GSPT1: variants seen among roughly 807,000 people sequenced by gnomAD.
GSPT1 encodes eukaryotic peptide chain release factor GTP-binding subunit ERF3A.
GSPT1 carries 20 observed loss-of-function variants against 72.5 expected under a neutral mutation model. That is an observed-to-expected ratio of 0.28 (90% CI 0.19 to 0.40). The LOEUF is 0.40. Ranked by LOEUF, GSPT1 falls within the 10% of genes least tolerant of loss-of-function variation. GSPT1 has a pLI of 1.00. For synonymous variants in GSPT1, 334 were observed against 293.5 expected (o/e 1.14, Z -1.41); for missense variants, 580 against 811.9 (o/e 0.71, Z 3.47).
At chr16:11,879,446 CTG>C (rs1401387745) in intron 11 of GSPT1, among the ~76,000 whole-genome samples, 1 of 145,168 alleles carries the variant, frequency 6.9e-6, no homozygotes, top group Non-Finnish European at 1.5e-5. Context: ...AAAAAACAAT[CTG>C]TATCGGCTGG....
At chr16:11,892,524 A>AAAAAAAT (rs2054278019) in intron 5 of GSPT1, among the ~76,000 whole-genome samples, 14 of 126,708 alleles carry the variant, frequency 1.1e-4, no homozygotes, top group East Asian at 4.8e-4. Flanking sequence ...CAAAAAAAAC[A>AAAAAAAT]AAAAAAACAA....
intron 1 of GSPT1, 121 bp downstream of exon 1, chr16:11,915,248 C>G: frequency 2.6e-6 from 3 of 1,174,164 alleles, no homozygotes; most frequent in Non-Finnish European, 3.2e-6. Context: ...AGGCAGACGG[C>G]GCCACTGTCA....
At chr16:11,910,745 C>T (rs1289388662) in intron 1 of GSPT1, among the ~76,000 whole-genome samples, 2 of 152,210 alleles carry the variant, frequency 1.3e-5, no homozygotes, top group African/African-American at 2.4e-5. Flanking sequence ...TCACGCTGTG[C>T]AACTTCAGAA....
intron 1 of GSPT1, among the ~76,000 whole-genome samples, chr16:11,899,684 A>G (rs2054381920): frequency 6.6e-6 from 1 of 152,142 alleles, no homozygotes; most frequent in South Asian, 2.1e-4. Context: ...CATTTTCAAG[A>G]AAAGTTTAAG....
intron 9 of GSPT1, among the ~76,000 whole-genome samples, chr16:11,885,490 A>G (rs1415970372): frequency 6.6e-6 from 1 of 152,242 alleles, no homozygotes; most frequent in Non-Finnish European, 1.5e-5. Flanking sequence ...TAAAATTTAG[A>G]GAAATATTTT....
rs1472001451 is a variant in GSPT1, at chr16:11,895,921, A to G, written c.664+637T>C. Among the ~76,000 whole-genome samples the G allele has an allele frequency of 3.3e-5, 5 of 152,228 alleles. No individual in the cohort carries two copies. In the East Asian group the frequency reaches 7.7e-4, roughly 23 times the overall value. ...ATTACAGGCGCCAGCCACAGTGCCC[A>G]GCCGCTCCTTTACACTTTCAAAAGA... On this transcript the variant is annotated intron_variant, in intron 4 of 14. Coordinates refer to ENST00000434724, the MANE Select transcript of GSPT1 (RefSeq NM_002094.4).
Position 11,896,735 on chromosome 16 carries a change from C to T in GSPT1, c.487G>A (p.Glu163Lys). The change falls in exon 4 of 15, where the codon GAA (glutamate) becomes AAA (lysine). Residue 163 changes from glutamate (E) to lysine (K), a missense_variant. Physicochemically the swap from Glu to Lys is moderately conservative, Grantham distance 56. Transcript: ENST00000434724. ...CCTGGCTCTGCTTCACTTATTTCTT[C>T]TTTGTGCTCCCATGATTCTTCTGGA... ...MSPEESWEHKEEISEAEPGGG... is the reference protein window; with the variant it reads ...MSPEESWEHKKEISEAEPGGG... The T allele has an allele frequency of 6.2e-7, 1 of 1,603,072 alleles. No individual in the cohort carries two copies. The highest frequency in any genetic ancestry group is 1.1e-5 in the South Asian group (1 of 89,046).
chr16:11,889,365 G>A (rs1350539793), intron 6 of GSPT1, among the ~76,000 whole-genome samples: 18 of 136,862 alleles, frequency 1.3e-4, no homozygotes, highest in Non-Finnish European at 1.4e-4. Context: ...TTGGAGATGG[G>A]AGTCTTGCTC....
At position 11,915,703 on chromosome 16, in the gene GSPT1, G is replaced by GCCA. The variant is rs2054627216; in HGVS notation, c.15_17dup (p.Gly16dup). 2.0e-6 allele frequency: 3 copies of GCCA among 1,481,004 alleles called. No individual in the cohort carries two copies. Among genetic ancestry groups the GCCA allele is most frequent in the Admixed American group, 2.4e-5 (1 of 41,924 alleles). 91.7% of individuals were successfully genotyped at this position (1,481,004 alleles called of 1,614,324 possible). On this transcript the variant is annotated inframe_insertion, in exon 1 of 15. Coordinates refer to ENST00000434724, the MANE Select transcript of GSPT1 (RefSeq NM_002094.4). ...CGCCGCCGCCGCCGCCGCCGCCGCCGCCACTGCCCGGATCCATGATCGGGG... is the reference window on the plus strand; with the variant it reads ...CGCCGCCGCCGCCGCCGCCGCCGCCGCCACCACTGCCCGGATCCATGATCGGGG...
chr16:11,906,603 C>T (rs1432018389), intron 1 of GSPT1, among the ~76,000 whole-genome samples: 1 of 152,142 alleles, frequency 6.6e-6, no homozygotes, highest in Non-Finnish European at 1.5e-5. Flanking sequence ...CAATGAACTC[C>T]AGCCTGGGCA....
chr16:11,909,619 G>C (rs903150568), intron 1 of GSPT1, among the ~76,000 whole-genome samples: 13 of 152,188 alleles, frequency 8.5e-5, no homozygotes, highest in African/African-American at 3.1e-4. Context: ...CAGCACTCTC[G>C]ACAAACTTAA....
intron 1 of GSPT1, chr16:11,904,016 CA>C (rs2054452259): frequency 4.5e-6 from 1 of 221,608 alleles, no homozygotes; most frequent in African/African-American, 2.3e-5. Flanking sequence ...TTGGTTCACC[CA>C]CACCAAACTC....
intron 14 of GSPT1, among the ~76,000 whole-genome samples, chr16:11,873,885 G>A (rs567456645): frequency 6.6e-6 from 1 of 152,214 alleles, no homozygotes; most frequent in South Asian, 2.1e-4. Context: ...CACCACACTG[G>A]GCCAAAAAAC....
chr16:11,897,453 T>C (rs2054354586), intron 3 of GSPT1, among the ~76,000 whole-genome samples: 1 of 152,048 alleles, frequency 6.6e-6, no homozygotes, highest in African/African-American at 2.4e-5. Flanking sequence ...GTTGTGGTGG[T>C]GTGCGCCTGT....
chr16:11,894,590 G>A (rs1035205188), intron 5 of GSPT1, among the ~76,000 whole-genome samples: 1 of 152,120 alleles, frequency 6.6e-6, no homozygotes, highest in African/African-American at 2.4e-5. Context: ...TTTAAAAAAT[G>A]TAAAAAGCTT....
intron 11 of GSPT1, chr16:11,880,400 T>C (rs891816285): frequency 3.3e-5 from 5 of 152,234 alleles, no homozygotes; most frequent in Admixed American, 3.3e-4. Context: ...TGCTATATTT[T>C]TTCACGGCAC....
At chr16:11,909,253 T>C (rs992078890) in intron 1 of GSPT1, among the ~76,000 whole-genome samples, 13 of 152,188 alleles carry the variant, frequency 8.5e-5, no homozygotes, top group Admixed American at 4.6e-4. Context: ...CTTAGAGTAC[T>C]GTAACAACTA....
chr16:11,915,702 C>A lies in GSPT1; in HGVS notation c.19G>T (p.Gly7Cys). Reference protein sequence around the residue: MDPGSGGGGGGGGGGGS... With the variant: MDPGSGCGGGGGGGGGS... ...CCGCCGCCGCCGCCGCCGCCGCCGCCGCCACTGCCCGGATCCATGATCGGG... is the reference window on the plus strand; with the variant it reads ...CCGCCGCCGCCGCCGCCGCCGCCGCAGCCACTGCCCGGATCCATGATCGGG... The change falls in exon 1 of 15, where the codon GGC becomes TGC. Residue 7 changes from glycine to cysteine, a missense_variant. Physicochemically the swap from Gly to Cys is radical, Grantham distance 159. Transcript: ENST00000434724. 3 of 1,494,454 alleles carry A rather than the reference C, an allele frequency of 2.0e-6. No homozygotes were observed. Among genetic ancestry groups the A allele is most frequent in the Non-Finnish European group, 2.7e-6 (3 of 1,131,120 alleles). The allele number at this position is 1,494,454 out of a possible 1,614,324, so 92.6% of individuals were successfully genotyped here.
chr16:11,878,551 A>G (rs182499599), intron 11 of GSPT1, among the ~76,000 whole-genome samples: 45 of 151,454 alleles, frequency 3.0e-4, no homozygotes, highest in Non-Finnish European at 5.0e-4. Context: ...CTATGATCAC[A>G]CTACCGCACT....
Sources: allele counts gnomAD v4.1 joint callset (sites outside exome capture counted in the v4.1 genomes callset), GRCh38; gene constraint gnomAD v4.1.1; transcripts MANE v1.5; gene names NCBI Gene and HGNC (gene_info 2026-07-23, HGNC 2026-07-21).